Variants in DPF1 observed in about 807,000 individuals in gnomAD.
DPF1 encodes the protein double PHD fingers 1, also known as zinc finger protein neuro-d4.
Under a neutral mutation model 58.7 loss-of-function variants are expected in DPF1, and 14 were observed. The ratio of observed to expected loss-of-function variants is 0.24; its 90% CI spans 0.16 to 0.37. The LOEUF (loss-of-function observed/expected upper bound fraction) is 0.37, where lower values mean the gene tolerates loss of function less well. DPF1 is among the 10% of genes least tolerant of loss of function. The pLI is 1.00. For synonymous variants in DPF1, 216 were observed against 216.0 expected (o/e 1.00, Z 0.00); for missense variants, 345 against 529.9 (o/e 0.65, Z 3.43).
At position 38,212,287 on chromosome 19, in the gene DPF1, G is replaced by A. The variant is rs765923431; in HGVS notation, c.1086C>T (p.Pro362=). ...GCCCACCTCTCCTCTCACCTTCCGG[G>A]GGCTCCGCCATGGGGGGACTCAGGC... The part of the protein sequence containing the change: ...MYCLSPPMAE[P]PEGSWSCHLC... The change falls in exon 11 of 12, where the codon CCC becomes CCT. Residue 362 remains proline, a synonymous_variant. Transcript: ENST00000355526. The A allele has an allele frequency of 4.2e-6, 6 of 1,436,650 alleles. No homozygotes were observed. In the Admixed American group the frequency reaches 6.4e-5, roughly 15 times the overall value. 89.0% of individuals were successfully genotyped at this position (1,436,650 alleles called of 1,614,324 possible).
At chr19:38,212,474 G>A (rs993508348) in intron 10 of DPF1, 113 bp from the exon 11 acceptor site, 10 of 577,588 alleles carry the variant, frequency 1.7e-5, no homozygotes, top group Middle Eastern at 4.6e-4. Flanking sequence ...GAGGCCTTCC[G>A]AGAAAGGTTC....
chr19:38,224,176 C>T lies in DPF1; in HGVS notation c.-34G>A. ...CCGGGTCCTGCCCCCAGCAGGTCCC[C>T]GCCGGGTCGGTCCTCCCAGCGGTCG... On this transcript the variant is annotated 5_prime_UTR_variant, in exon 1 of 12. Transcript: ENST00000355526. The surrounding 1 kb of genome is among the most constrained non-coding windows in gnomAD (Gnocchi z 4.5). 7.0e-7 allele frequency: 1 copy of T among 1,432,944 alleles called. No homozygotes were observed. The highest frequency in any genetic ancestry group is 9.1e-7 in the Non-Finnish European group (1 of 1,094,504). The allele number at this position is 1,432,944 out of a possible 1,614,324, so 88.8% of individuals were successfully genotyped here.
chr19:38,224,974 G>A (rs558645042), upstream of DPF1, among the ~76,000 whole-genome samples: 6 of 152,346 alleles, frequency 3.9e-5, no homozygotes, highest in Admixed American at 1.3e-4. This position sits in a 1 kb window ranked among gnomAD's most constrained non-coding sequence, Gnocchi z 4.5. Flanking sequence ...TGGCAGGCCA[G>A]GCGCAGTGGC....
chr19:38,229,575 G>T lies in DPF1; in HGVS notation c.-148C>A. On this transcript the variant is annotated 5_prime_UTR_variant, in exon 1 of 12. Coordinates refer to the DPF1 transcript ENST00000412732. This position sits in a 1 kb window ranked among gnomAD's most constrained non-coding sequence, Gnocchi z 5.3. ...GACACTCACGACTTGAGCGGGTTCT[G>T]AATGGCGGTGGCCATGGCCCGCTCG... is the stretch of plus-strand genomic sequence containing the variant. The T allele has an allele frequency of 8.5e-7, 1 of 1,175,076 alleles. No individual in the cohort carries two copies. The highest frequency in any genetic ancestry group is 1.1e-6 in the Non-Finnish European group (1 of 951,724). The allele number at this position is 1,175,076 out of a possible 1,614,324, so 72.8% of individuals were successfully genotyped here.
At chr19:38,212,232 T>G in intron 11 of DPF1, 48 bp downstream of exon 11, 1 of 1,368,166 alleles carries the variant, frequency 7.3e-7, no homozygotes, top group Middle Eastern at 2.5e-4. Flanking sequence ...AACCAGGAGA[T>G]GGCGTTCCCA....
In DPF1 at chr19:38,222,666, G is replaced by T. The variant is rs775529165; in HGVS notation, c.72C>A (p.Arg24=). 8 of 1,607,314 alleles carry T rather than the reference G, an allele frequency of 5.0e-6. No individual in the cohort carries two copies. In the East Asian group the frequency reaches 1.8e-4, roughly 36 times the overall value. ...CGGCGCACAGGCGCGCGTTGTAACTGCGGCAGTGCTCGATGGCCTCGCGGT... is the reference window on the plus strand; with the variant it reads ...CGGCGCACAGGCGCGCGTTGTAACTTCGGCAGTGCTCGATGGCCTCGCGGT... ...DFYREAIEHC[R]SYNARLCAER... Residue 24 remains arginine (R), a synonymous_variant, in exon 2 of 12, where the codon CGC becomes CGA. Coordinates refer to ENST00000355526, the MANE Select transcript of DPF1 (RefSeq NM_001135155.3). The surrounding 1 kb of genome is among the most constrained non-coding windows in gnomAD (Gnocchi z 4.9).
In DPF1 at chr19:38,217,348, G is replaced by A. The variant is rs1967097055; in HGVS notation, c.727+112C>T. ...TGGTCGGTGGGGGGAGGGAACGGCT[G>A]AGCTGGAGATTTTCCAGAAATGTCT... On this transcript the variant is annotated intron_variant, in intron 7 of 11. Coordinates refer to ENST00000355526, the MANE Select transcript of DPF1 (RefSeq NM_001135155.3). 3 of 1,396,368 alleles carry A rather than the reference G, an allele frequency of 2.1e-6. No homozygotes were observed. In the East Asian group the frequency reaches 7.8e-5, roughly 36 times the overall value. The allele number at this position is 1,396,368 out of a possible 1,614,324, so 86.5% of individuals were successfully genotyped here.
At position 38,222,228 on chromosome 19, in the gene DPF1, G is replaced by A. The variant is rs1041200245; in HGVS notation, c.298+129C>T. ...GGAATCTCTGGGAAACACCCGGGAC[G>A]CACATGGGCAGACAGACACACAGCC... On this transcript the variant is annotated intron_variant, in intron 3 of 11. Transcript: ENST00000355526. The surrounding 1 kb of genome is among the most constrained non-coding windows in gnomAD (Gnocchi z 4.9). 150 of 779,248 alleles carry A rather than the reference G, an allele frequency of 1.9e-4. No homozygotes were observed. The highest frequency in any genetic ancestry group is 2.8e-4 in the Non-Finnish European group (138 of 491,798). The allele number at this position is 779,248 out of a possible 1,614,324, so 48.3% of individuals were successfully genotyped here. A position where few individuals can be genotyped will look rare whatever the true frequency, so the allele number is the denominator to read the frequency against.
intron 10 of DPF1, 68 bp from the exon 11 acceptor site, chr19:38,212,429 G>A (rs1017342684): frequency 4.9e-6 from 3 of 612,552 alleles, no homozygotes; most frequent in Non-Finnish European, 8.7e-6. Context: ...GTGGGGGGCT[G>A]GGGCAGGGGC....
Position 38,222,502 on chromosome 19 carries a change from G to T in DPF1, c.191-38C>A, listed in dbSNP as rs764906091. 1 of 1,585,920 alleles carries T rather than the reference G, an allele frequency of 6.3e-7. No homozygotes were observed. Among genetic ancestry groups the T allele is most frequent in the Non-Finnish European group, 8.5e-7 (1 of 1,170,828 alleles). On this transcript the variant is annotated intron_variant, in intron 2 of 11. Coordinates refer to ENST00000355526, the MANE Select transcript of DPF1 (RefSeq NM_001135155.3). This position sits in a 1 kb window ranked among gnomAD's most constrained non-coding sequence, Gnocchi z 4.9. ...GGGGGTGAGAGGGCGGCGGCGGTGG[G>T]GCGGCCTGGCCCCGCCCCGCCCTGC... is the stretch of plus-strand genomic sequence containing the variant.
rs1967119123 is a variant in DPF1, at chr19:38,217,542, G to A, written c.645C>T (p.Thr215=). ...KNRPGLSYHY[T]HTHLAEEEGE... is the part of the protein sequence containing the mutation. The stretch of plus-strand genomic sequence containing the variant: ...CCTCCTCCTCGGCCAGGTGGGTGTG[G>A]GTGTAGTGGTAGCTGAGCCCCGGCC... The change falls in exon 7 of 12, where the codon ACC becomes ACT. Residue 215 remains threonine (T), a synonymous_variant. Coordinates refer to ENST00000355526, the MANE Select transcript of DPF1 (RefSeq NM_001135155.3). 3 of 1,551,434 alleles carry A rather than the reference G, an allele frequency of 1.9e-6. No individual in the cohort carries two copies. In the African/African-American group the frequency reaches 4.1e-5, roughly 21 times the overall value.
rs1325976058 is a variant in DPF1 at position 38,218,662 on chromosome 19, T to C, written c.427A>G (p.Lys143Glu). The C allele has an allele frequency of 6.2e-7, 1 of 1,614,180 alleles. No individual in the cohort carries two copies. The highest frequency in any genetic ancestry group is 8.5e-7 in the Non-Finnish European group (1 of 1,180,022). ...KEEETIMDCQ[K>E]QQLLEFPHDL... ...TGCGGAAACTCCAGCAACTGCTGTT[T>C]CTGGGCAATAGAGAAAGGAGACGGG... The change falls in exon 5 of 12, where the codon AAA becomes GAA. Residue 143 changes from lysine (K) to glutamate (E), a missense_variant and splice_region_variant. By Grantham distance (56) the Lys-to-Glu change is moderately conservative. Transcript: ENST00000355526.
intron 10 of DPF1, among the ~76,000 whole-genome samples, chr19:38,212,770 A>G (rs1207946681): frequency 1.5e-5 from 2 of 137,698 alleles, no homozygotes; most frequent in Non-Finnish European, 3.1e-5. Flanking sequence ...GCCACCATGC[A>G]CGACTTTTTT....
intron 6 of DPF1, 23 bp from the exon 7 acceptor site, chr19:38,217,614 G>C (rs1600253941): frequency 1.3e-6 from 2 of 1,539,052 alleles, no homozygotes; most frequent in Non-Finnish European, 1.8e-6. Context: ...CGAGCCAGGA[G>C]GGCCTGTCAG....
In DPF1 at chr19:38,222,794, G is replaced by T. The variant is rs566169400; in HGVS notation, c.30-86C>A. The T allele has an allele frequency of 1.1e-5, 15 of 1,420,166 alleles. No homozygotes were observed. Among genetic ancestry groups the T allele is most frequent in the Non-Finnish European group, 1.2e-5 (13 of 1,087,206 alleles). 88.0% of individuals were successfully genotyped at this position (1,420,166 alleles called of 1,614,324 possible). A position where few individuals can be genotyped will look rare whatever the true frequency, so the allele number is the denominator to read the frequency against. On this transcript the variant is annotated intron_variant, in intron 1 of 11. Transcript: ENST00000355526. This position sits in a 1 kb window ranked among gnomAD's most constrained non-coding sequence, Gnocchi z 4.9. Reference sequence around the variant, plus strand: ...GCACCCCTTCCCCGGCTGCCGGGCCGCCCAGGCTCGGGAGGGGTGGGCCGA... The same window carrying T: ...GCACCCCTTCCCCGGCTGCCGGGCCTCCCAGGCTCGGGAGGGGTGGGCCGA...
chr19:38,217,391 A>ACC, intron 7 of DPF1, 69 bp downstream of exon 7: 2 of 302,518 alleles, frequency 6.6e-6, no homozygotes, highest in Non-Finnish European at 9.8e-6. Context: ...CCCCACCCCC[A>ACC]CCCCCAGCTG....
chr19:38,227,967 G>A (rs1172952471), upstream of DPF1: 1 of 152,400 alleles, frequency 6.6e-6, no homozygotes, highest in African/African-American at 2.4e-5. Flanking sequence ...CCCTGCTCAC[G>A]GCTGTAGCAC....
intron 5 of DPF1, 51 bp downstream of exon 5, chr19:38,218,522 T>G: frequency 8.2e-5 from 129 of 1,578,848 alleles, no homozygotes; most frequent in Non-Finnish European, 1.0e-4. Context: ...GCTCCATGAA[T>G]GAGACCTGTC....
In DPF1 at chr19:38,212,026, C is replaced by A. The variant is rs1237622643; in HGVS notation, c.*37G>T. 1.3e-6 allele frequency: 2 copies of A among 1,595,244 alleles called. No homozygotes were observed. The highest frequency in any genetic ancestry group is 2.3e-5 in the South Asian group (2 of 88,238). Reference sequence around the variant, plus strand: ...TGAGGAGCTCGGAGAGGCAGGTAGGCGAGCACCACCCCAGAGTCGCGGCGA... The same window carrying A: ...TGAGGAGCTCGGAGAGGCAGGTAGGAGAGCACCACCCCAGAGTCGCGGCGA... On this transcript the variant is annotated 3_prime_UTR_variant, in exon 12 of 12. Coordinates refer to ENST00000355526, the MANE Select transcript of DPF1 (RefSeq NM_001135155.3).
Sources: gnomAD v4.1 joint callset for allele counts (sites outside exome capture counted in the v4.1 genomes callset) on GRCh38, gnomAD v4.1.1 for gene constraint, Gnocchi (gnomAD v3.1) non-coding constraint, MANE v1.5 for transcripts, NCBI Gene and HGNC (gene_info 2026-07-23, HGNC 2026-07-21) for gene names.